Variants in PBX1 observed in about 807,000 individuals in gnomAD.
The protein encoded by PBX1 is pre-B-cell leukemia transcription factor 1.
In PBX1, 6 loss-of-function variants were observed where a neutral mutation model predicts 53.4. The ratio of observed to expected loss-of-function variants is 0.11; its 90% CI spans 0.06 to 0.22. PBX1 has a LOEUF of 0.22. Ranked by LOEUF, PBX1 falls within the 10% of genes least tolerant of loss-of-function variation. PBX1 has a pLI of 1.00. For synonymous variants in PBX1, 204 were observed against 212.3 expected (o/e 0.96, Z 0.34); for missense variants, 251 against 551.4 (o/e 0.46, Z 5.46).
intron 2 of PBX1, among the ~76,000 whole-genome samples, chr1:164,695,146 A>T (rs905691120): frequency 1.3e-5 from 2 of 152,228 alleles, no homozygotes; most frequent in African/African-American, 4.8e-5. Flanking sequence ...AAATTATTTA[A>T]AATTTTAAGC....
At chr1:164,709,148 T>C (rs1413530244) in intron 2 of PBX1, among the ~76,000 whole-genome samples, 3 of 152,202 alleles carry the variant, frequency 2.0e-5, no homozygotes, top group Non-Finnish European at 4.4e-5. Context: ...GCAGCACACC[T>C]AACTTTGTTG....
intron 2 of PBX1, among the ~76,000 whole-genome samples, chr1:164,595,652 A>G (rs766716615): frequency 4.6e-5 from 7 of 152,218 alleles, no homozygotes; most frequent in Non-Finnish European, 8.8e-5. Flanking sequence ...ACTGGCTTCA[A>G]GAAACCACCA....
chr1:164,805,682 G>T (rs1032899657), intron 4 of PBX1, among the ~76,000 whole-genome samples: 4 of 152,182 alleles, frequency 2.6e-5, no homozygotes, highest in Non-Finnish European at 5.9e-5. Context: ...GAAGCCAAAG[G>T]TTATCTAAAG....
At chr1:164,580,519 A>T (rs2101738571) in intron 2 of PBX1, among the ~76,000 whole-genome samples, 1 of 152,160 alleles carries the variant, frequency 6.6e-6, no homozygotes, top group East Asian at 1.9e-4. Flanking sequence ...ACCTCAAGTG[A>T]TCCACCTGCC....
At chr1:164,647,460 C>T (rs1053747873) in intron 2 of PBX1, among the ~76,000 whole-genome samples, 16 of 152,148 alleles carry the variant, frequency 1.1e-4, no homozygotes, top group African/African-American at 3.9e-4. Flanking sequence ...AAGTCACTTC[C>T]TTCTGTCAGC....
At chr1:164,882,079 T>C (rs563365822) in intron 2 of PBX1, among the ~76,000 whole-genome samples, 23 of 152,282 alleles carry the variant, frequency 1.5e-4, no homozygotes, top group African/African-American at 5.1e-4. Flanking sequence ...GTCAGTTTCA[T>C]GCAATCCAAA....
intron 8 of PBX1, among the ~76,000 whole-genome samples, chr1:164,824,371 A>C (rs992078406): frequency 6.6e-6 from 1 of 152,350 alleles, no homozygotes; most frequent in Non-Finnish European, 1.5e-5. Flanking sequence ...TCTCTTCTAG[A>C]AAATGGGGAC....
At position 164,847,044 on chromosome 1, in the gene PBX1, G is replaced by GAAAATAAT; in HGVS notation, c.*373_*380dup. On this transcript the variant is annotated 3_prime_UTR_variant, in exon 9 of 9. Coordinates refer to ENST00000420696, the MANE Select transcript of PBX1 (RefSeq NM_002585.4). ...ATTTAAAGAGGAAAAAAATTACAAA[G>GAAAATAAT]AAAATAATAAAAGTGTTTGTACGTT... is the stretch of plus-strand genomic sequence containing the variant. 8.9e-7 allele frequency: 1 copy of GAAAATAAT among 1,120,880 alleles called. No homozygotes were observed. The highest frequency in any genetic ancestry group is 4.1e-5 in the East Asian group (1 of 24,362). The allele number at this position is 1,120,880 out of a possible 1,614,324, so 69.4% of individuals were successfully genotyped here.
At chr1:164,774,185 A>T (rs1197811956) in intron 2 of PBX1, among the ~76,000 whole-genome samples, 1 of 152,192 alleles carries the variant, frequency 6.6e-6, no homozygotes, top group Middle Eastern at 3.2e-3. Flanking sequence ...TAAACCTAAC[A>T]TAAGACAATT....
rs139116158 is a variant in PBX1, at chr1:164,716,058, C to T, written c.266-76436C>T. ...GTTTTATTGGATCTAACTTGCTTTT[C>T]AGAAGCACGTGACTGGCATATTTGG... On this transcript the variant is annotated intron_variant, in intron 2 of 8. Coordinates refer to ENST00000420696, the MANE Select transcript of PBX1 (RefSeq NM_002585.4). Among the ~76,000 whole-genome samples the T allele has an allele frequency of 1.3e-3, 197 of 152,306 alleles. 1 individual carries two copies. Among genetic ancestry groups the T allele is most frequent in the Middle Eastern group, 6.8e-3 (2 of 294 alleles).
In PBX1 at chr1:164,752,546, G is replaced by C. The variant is rs1666290707; in HGVS notation, c.266-39948G>C. ...TTTAAAACCTCACCAACTCCTGACA[G>C]TTATATAATCTAATTAAGTGGTAGG... On this transcript the variant is annotated intron_variant, in intron 2 of 8. Transcript: ENST00000420696. 3.3e-5 allele frequency among the ~76,000 whole-genome samples: 5 copies of C among 152,266 alleles called. 1 individual carries two copies. The South Asian group carries it at 1.0e-3, about 32-fold the overall frequency.
intron 2 of PBX1, among the ~76,000 whole-genome samples, chr1:164,575,395 GT>G (rs1654148635): frequency 6.6e-6 from 1 of 152,196 alleles, no homozygotes; most frequent in African/African-American, 2.4e-5. Flanking sequence ...ATGAGAAAAA[GT>G]TTATATATTT....
chr1:164,752,618 ATCT>A (rs974578414), intron 2 of PBX1, among the ~76,000 whole-genome samples: 12 of 152,278 alleles, frequency 7.9e-5, no homozygotes, highest in Admixed American at 2.6e-4. Flanking sequence ...GAATAAAGTG[ATCT>A]TCTTCTCATA....
At chr1:164,813,870 T>C (rs1219063990) in intron 6 of PBX1, 1 of 152,222 alleles carries the variant, frequency 6.6e-6, no homozygotes, top group Non-Finnish European at 1.5e-5. Flanking sequence ...TATGGTTGCC[T>C]CTTATGGAAT....
intron 5 of PBX1, 55 bp from the exon 6 acceptor site, chr1:164,811,935 A>C (rs1465418121): frequency 6.7e-7 from 1 of 1,483,892 alleles, no homozygotes; most frequent in Non-Finnish European, 9.2e-7. Flanking sequence ...TTTCTTCTGC[A>C]ATGTTTCTGA....
intron 2 of PBX1, among the ~76,000 whole-genome samples, chr1:164,788,336 C>T (rs2102291740): frequency 6.6e-6 from 1 of 151,982 alleles, no homozygotes; most frequent in African/African-American, 2.4e-5. Flanking sequence ...TAGGTAGCAT[C>T]AGTTCTGCTT....
intron 2 of PBX1, among the ~76,000 whole-genome samples, chr1:164,869,818 A>T (rs905340285): frequency 6.6e-6 from 1 of 152,290 alleles, no homozygotes; most frequent in East Asian, 1.9e-4. Flanking sequence ...TTTGAGTAAG[A>T]CCTAAAAGAG....
At chr1:164,819,198 A>C (rs961664761) in intron 6 of PBX1, 1 of 152,158 alleles carries the variant, frequency 6.6e-6, no homozygotes, top group Non-Finnish European at 1.5e-5. Context: ...ACCGCAGTGG[A>C]ACCAGTGGAA....
At chr1:164,789,827 C>A (rs942378733) in intron 2 of PBX1, among the ~76,000 whole-genome samples, 2 of 152,146 alleles carry the variant, frequency 1.3e-5, no homozygotes, top group African/African-American at 2.4e-5. Context: ...GCCGTGGGGG[C>A]TTACGGCCTC....
Sources: allele counts gnomAD v4.1 joint callset (sites outside exome capture counted in the v4.1 genomes callset), GRCh38; gene constraint gnomAD v4.1.1; transcripts MANE v1.5; gene names NCBI Gene and HGNC (gene_info 2026-07-23, HGNC 2026-07-21).